Variants in UQCC1 observed in about 807,000 individuals in gnomAD.
UQCC1 encodes the protein ubiquinol-cytochrome c reductase complex assembly factor 1, also known as bFGF-repressed Zic-binding protein.
In UQCC1, 38 loss-of-function variants were observed where a neutral mutation model predicts 48.0. That is an observed-to-expected ratio of 0.79 (90% CI 0.61 to 1.04). The LOEUF (loss-of-function observed/expected upper bound fraction) is 1.04. Ranked by LOEUF, UQCC1 falls within the 50% of genes least tolerant of loss-of-function variation. The pLI is 0.00. For missense variants in UQCC1, 368 were observed against 381.8 expected, an observed-to-expected ratio of 0.96 and a Z score of 0.30; for synonymous variants, 111 against 129.2, an observed-to-expected ratio of 0.86 and a Z score of 0.95.
chr20:35,310,940 T>C (rs1392158924), intron 8 of UQCC1, among the ~76,000 whole-genome samples: 1 of 150,578 alleles, frequency 6.6e-6, no homozygotes, highest in Non-Finnish European at 1.5e-5. Context: ...CCTCGTGATC[T>C]ATCCACCTCG....
At chr20:35,326,019 G>A (rs550665495) in intron 7 of UQCC1, among the ~76,000 whole-genome samples, 9 of 152,302 alleles carry the variant, frequency 5.9e-5, no homozygotes, top group African/African-American at 1.9e-4. Context: ...TAAGCACAGG[G>A]AAATTGCATG....
At chr20:35,385,394 T>G (rs964014586) in intron 2 of UQCC1, among the ~76,000 whole-genome samples, 2 of 152,196 alleles carry the variant, frequency 1.3e-5, no homozygotes, top group African/African-American at 4.8e-5. Context: ...CTATACAGAA[T>G]GAAAACTGGG....
intron 5 of UQCC1, among the ~76,000 whole-genome samples, chr20:35,367,473 C>T (rs2061683089): frequency 6.6e-6 from 1 of 151,986 alleles, no homozygotes; most frequent in South Asian, 2.1e-4. Flanking sequence ...AAGAAATGAC[C>T]AGGAGCTGGG....
At chr20:35,400,843 A>G (rs1460996359) in intron 1 of UQCC1, among the ~76,000 whole-genome samples, 3 of 152,118 alleles carry the variant, frequency 2.0e-5, no homozygotes, top group African/African-American at 4.8e-5. Flanking sequence ...TCCCGTGCAC[A>G]TTGTTAATTG....
At chr20:35,374,438 C>T (rs1235215616) in intron 4 of UQCC1, among the ~76,000 whole-genome samples, 182 bp from the exon 5 acceptor site, 2 of 152,188 alleles carry the variant, frequency 1.3e-5, no homozygotes, top group Admixed American at 6.5e-5. Flanking sequence ...TTCATACAGA[C>T]TTCACACAAT....
chr20:35,387,987 ATTT>A (rs34545001), intron 2 of UQCC1, among the ~76,000 whole-genome samples: 22 of 139,752 alleles, frequency 1.6e-4, no homozygotes, highest in Non-Finnish European at 3.1e-4. Flanking sequence ...ATATTTTCCT[ATTT>A]TTTTTTTTTT....
chr20:35,357,683 AAAAAAGAAAG>A (rs1248170748), intron 6 of UQCC1, among the ~76,000 whole-genome samples: 2 of 151,408 alleles, frequency 1.3e-5, no homozygotes, highest in South Asian at 4.2e-4. Context: ...AAAAAAAAAA[AAAAAAGAAAG>A]AAAAAGAAAC....
chr20:35,338,226 T>A (rs1417636532), intron 7 of UQCC1, among the ~76,000 whole-genome samples: 1 of 152,190 alleles, frequency 6.6e-6, no homozygotes, highest in African/African-American at 2.4e-5. Flanking sequence ...TCTGCCGTAT[T>A]GGATTAGAAA....
At chr20:35,396,049 A>G (rs1311082235) in intron 1 of UQCC1, among the ~76,000 whole-genome samples, 5 of 131,124 alleles carry the variant, frequency 3.8e-5, no homozygotes, top group African/African-American at 1.4e-4. Flanking sequence ...CAGGGCCATG[A>G]TCCCAGCTCA....
chr20:35,334,494 A>T (rs2061292751), intron 7 of UQCC1, among the ~76,000 whole-genome samples: 1 of 152,202 alleles, frequency 6.6e-6, no homozygotes, highest in African/African-American at 2.4e-5. Flanking sequence ...CTTCTTGTCT[A>T]GCAAACACCT....
intron 1 of UQCC1, among the ~76,000 whole-genome samples, chr20:35,410,776 A>C (rs1361649511): frequency 2.1e-5 from 3 of 145,804 alleles, no homozygotes; most frequent in Admixed American, 7.0e-5. Context: ...AAAAAAAAAA[A>C]ACCACTAAAT....
chr20:35,353,019 A>G (rs2061506577), intron 6 of UQCC1, among the ~76,000 whole-genome samples: 1 of 152,180 alleles, frequency 6.6e-6, no homozygotes. Flanking sequence ...AAAGTAGAAT[A>G]AAATTTAAAA....
chr20:35,369,645 G>A (rs991663510), intron 5 of UQCC1, among the ~76,000 whole-genome samples: 2 of 152,050 alleles, frequency 1.3e-5, no homozygotes, highest in Non-Finnish European at 2.9e-5. Flanking sequence ...TTTCTTCTCT[G>A]TAAAAATGAG....
intron 9 of UQCC1, chr20:35,306,368 A>AT (rs2060928384): frequency 2.9e-6 from 1 of 348,928 alleles, no homozygotes; most frequent in South Asian, 2.9e-5. Context: ...AGCTGCTAGC[A>AT]TAGCACTGGG....
chr20:35,303,915 C>G lies in UQCC1; in HGVS notation c.*20G>C, dbSNP rs373723282. The stretch of plus-strand genomic sequence containing the variant: ...GGTTCCTCGAAGCCAGCTGGCGGGC[C>G]GTGCGGAGGGCCCAGCCCATCAAAG... On this transcript the variant is annotated 3_prime_UTR_variant, in exon 10 of 10. Transcript: ENST00000374385. 1.2e-6 allele frequency: 2 copies of G among 1,614,140 alleles called. No homozygotes were observed. The highest frequency in any genetic ancestry group is 1.7e-6 in the Non-Finnish European group (2 of 1,179,986).
At chr20:35,385,298 T>C (rs2061928505) in intron 2 of UQCC1, among the ~76,000 whole-genome samples, 1 of 152,182 alleles carries the variant, frequency 6.6e-6, no homozygotes, top group Non-Finnish European at 1.5e-5. Context: ...GCATTATTGT[T>C]TGGATCACAA....
At chr20:35,396,990 A>G (rs889198159) in intron 1 of UQCC1, among the ~76,000 whole-genome samples, 3 of 152,134 alleles carry the variant, frequency 2.0e-5, no homozygotes, top group Non-Finnish European at 4.4e-5. Context: ...AGCCCTCCAC[A>G]GCCATGGGTT....
rs908914494 is a variant in UQCC1, at chr20:35,347,110, C to T, written c.573+54G>A. 2.5e-6 allele frequency: 4 copies of T among 1,614,052 alleles called. No homozygotes were observed. In the African/African-American group the frequency reaches 4.0e-5, roughly 16 times the overall value. On this transcript the variant is annotated intron_variant, in intron 7 of 9. Transcript: ENST00000374385. ...ATTTTACAACAGATAAAACTCCAAA[C>T]TCAAACCCTTCTCTGGAATTGTCCA...
intron 1 of UQCC1, among the ~76,000 whole-genome samples, chr20:35,394,513 C>T (rs2062051606): frequency 6.6e-6 from 1 of 152,158 alleles, no homozygotes; most frequent in South Asian, 2.1e-4. Context: ...GGCATCCCCA[C>T]CTCCAGGAGA....
Sources: gnomAD v4.1 joint callset for allele counts (sites outside exome capture counted in the v4.1 genomes callset) on GRCh38, gnomAD v4.1.1 for gene constraint, MANE v1.5 for transcripts, NCBI Gene and HGNC (gene_info 2026-07-23, HGNC 2026-07-21) for gene names.